Variants in FOXN3 observed in about 807,000 individuals in gnomAD.
FOXN3 encodes the protein forkhead box protein N3.
A neutral mutation model predicts 38.4 loss-of-function variants in FOXN3; 7 were observed. The observed-to-expected ratio is 0.18, with a 90% CI of 0.10 to 0.34. The LOEUF (loss-of-function observed/expected upper bound fraction) is 0.34. Among genes scored for constraint, FOXN3 ranks in the 10% least tolerant of loss-of-function variants. The pLI, the probability that FOXN3 is intolerant of heterozygous loss-of-function variation, is 1.00. For synonymous variants in FOXN3, 230 were observed against 242.2 expected, an observed-to-expected ratio of 0.95 and a Z score of 0.47; for missense variants, 456 against 613.4, an observed-to-expected ratio of 0.74 and a Z score of 2.71.
At chr14:89,563,611 G>A (rs1373050343) in intron 1 of FOXN3, among the ~76,000 whole-genome samples, 1 of 152,142 alleles carries the variant, frequency 6.6e-6, no homozygotes, top group Non-Finnish European at 1.5e-5. Flanking sequence ...TGGGGGAGTA[G>A]GGGTGTTTAG....
chr14:89,593,290 CAT>C (rs1008165210), intron 1 of FOXN3, among the ~76,000 whole-genome samples: 6 of 151,776 alleles, frequency 4.0e-5, no homozygotes, highest in African/African-American at 1.5e-4. Context: ...GAGAGAGAAT[CAT>C]ATAGAGAGAA....
intron 3 of FOXN3, among the ~76,000 whole-genome samples, chr14:89,302,326 T>C (rs1414223684): frequency 6.6e-6 from 1 of 152,154 alleles, no homozygotes; most frequent in East Asian, 1.9e-4. Flanking sequence ...ACTATGAGGG[T>C]GTGTCCATCA....
chr14:89,566,525 A>G (rs1421964693), intron 1 of FOXN3, among the ~76,000 whole-genome samples: 1 of 152,268 alleles, frequency 6.6e-6, no homozygotes, highest in Non-Finnish European at 1.5e-5. Context: ...AAAAATTACT[A>G]GCTCAGGACA....
At chr14:89,326,855 T>C (rs1029818586) in intron 3 of FOXN3, among the ~76,000 whole-genome samples, 3 of 152,162 alleles carry the variant, frequency 2.0e-5, no homozygotes, top group Non-Finnish European at 2.9e-5. Flanking sequence ...TAGAGAACCA[T>C]GAAATATTTA....
intron 4 of FOXN3, among the ~76,000 whole-genome samples, chr14:89,187,621 A>G (rs1430545126): frequency 6.6e-6 from 1 of 152,200 alleles, no homozygotes; most frequent in African/African-American, 2.4e-5. Flanking sequence ...AAGGCAAAGG[A>G]CTGCCTCAAA....
intron 4 of FOXN3, among the ~76,000 whole-genome samples, chr14:89,244,497 T>C (rs539072395): frequency 6.8e-4 from 104 of 152,314 alleles, no homozygotes; most frequent in African/African-American, 2.4e-3. Flanking sequence ...TATTAGACTT[T>C]TTCTAGGTCT....
intron 2 of FOXN3, among the ~76,000 whole-genome samples, chr14:89,357,548 C>T (rs1019457237): frequency 2.0e-5 from 3 of 151,496 alleles, no homozygotes; most frequent in South Asian, 2.1e-4. Flanking sequence ...GCGAAGGTTG[C>T]GGTGAGCCGA....
At chr14:89,505,608 G>A (rs1053297938) in intron 1 of FOXN3, among the ~76,000 whole-genome samples, 14 of 152,056 alleles carry the variant, frequency 9.2e-5, no homozygotes, top group African/African-American at 1.7e-4. Flanking sequence ...GTGCAGTGGC[G>A]TGATCTCGGC....
At chr14:89,590,092 T>A (rs1216746063) in intron 1 of FOXN3, among the ~76,000 whole-genome samples, 2 of 152,134 alleles carry the variant, frequency 1.3e-5, no homozygotes, top group Non-Finnish European at 2.9e-5. Flanking sequence ...CAAGTCGATG[T>A]TACCATTTGA....
At chr14:89,589,912 C>T (rs1417079529) in intron 1 of FOXN3, among the ~76,000 whole-genome samples, 6 of 152,178 alleles carry the variant, frequency 3.9e-5, no homozygotes, top group African/African-American at 1.2e-4. Context: ...GCTGTCCCAA[C>T]TTCCCCTCCT....
At chr14:89,583,572 GT>G (rs1312411353) in intron 1 of FOXN3, among the ~76,000 whole-genome samples, 1 of 152,000 alleles carries the variant, frequency 6.6e-6, no homozygotes, top group Non-Finnish European at 1.5e-5. Context: ...TTTTATTTTT[GT>G]TTTTTGAAAT....
chr14:89,209,124 T>A (rs1888457695), intron 4 of FOXN3, among the ~76,000 whole-genome samples: 1 of 152,252 alleles, frequency 6.6e-6, no homozygotes, highest in Non-Finnish European at 1.5e-5. Context: ...TCCATATATA[T>A]GAATGATATA....
At chr14:89,478,715 T>C (rs1055991723) in intron 1 of FOXN3, among the ~76,000 whole-genome samples, 3 of 151,962 alleles carry the variant, frequency 2.0e-5, no homozygotes, top group Non-Finnish European at 4.4e-5. Context: ...GCGGATCACT[T>C]GAGGTCAGGA....
rs530403243 is a variant in FOXN3 at position 89,381,812 on chromosome 14, A to G, written c.543+30122T>C. On this transcript the variant is annotated intron_variant, in intron 2 of 5. Transcript: ENST00000557258. ...GAGTTCAAGGCTGCACTGAGCTGTG[A>G]TCATGCCACTATACTCCAGCCTGGG... Among the ~76,000 whole-genome samples, 76 of 150,798 alleles carry G rather than the reference A, an allele frequency of 5.0e-4. 2 individuals carry two copies. In the East Asian group the frequency reaches 7.5e-3, roughly 15 times the overall value.
intron 4 of FOXN3, 118 bp from the exon 5 acceptor site, chr14:89,180,924 A>ATGCATGGAGCAGAGACG: frequency 2.0e-6 from 1 of 496,622 alleles, no homozygotes; most frequent in Non-Finnish European, 3.4e-6. Context: ...GGGCAGAGAC[A>ATGCATGGAGCAGAGACG]GAGAGAAACA....
chr14:89,521,196 G>T (rs1405210050), intron 1 of FOXN3, among the ~76,000 whole-genome samples: 1 of 152,080 alleles, frequency 6.6e-6, no homozygotes, highest in African/African-American at 2.4e-5. Flanking sequence ...TGTAATCCCA[G>T]CTACTAGGGA....
At chr14:89,518,630 TA>T (rs1894255289) in intron 1 of FOXN3, among the ~76,000 whole-genome samples, 1 of 152,200 alleles carries the variant, frequency 6.6e-6, no homozygotes. Flanking sequence ...ACATTTTAAA[TA>T]AAATGTTTAA....
At chr14:89,336,174 TCATA>T (rs1432090376) in intron 3 of FOXN3, among the ~76,000 whole-genome samples, 3 of 115,892 alleles carry the variant, frequency 2.6e-5, no homozygotes, top group Non-Finnish European at 5.3e-5. Context: ...ACACACACAT[TCATA>T]ATCCTTAGTC....
At chr14:89,295,186 C>G (rs766148921) in intron 3 of FOXN3, among the ~76,000 whole-genome samples, 34 of 152,202 alleles carry the variant, frequency 2.2e-4, no homozygotes, top group Non-Finnish European at 4.0e-4. Context: ...GCCCTAGACC[C>G]ATGTTCTCTT....
Sources: allele counts gnomAD v4.1 joint callset (sites outside exome capture counted in the v4.1 genomes callset), GRCh38; gene constraint gnomAD v4.1.1; transcripts MANE v1.5; gene names NCBI Gene and HGNC (gene_info 2026-07-23, HGNC 2026-07-21).